Variants in MAP4K4 observed in about 807,000 individuals in gnomAD.
MAP4K4 encodes the protein mitogen-activated protein kinase kinase kinase kinase 4.
In MAP4K4, 38 loss-of-function variants were observed where a neutral mutation model predicts 189.6. The observed-to-expected ratio is 0.20, with a 90% confidence interval of 0.15 to 0.26. The LOEUF (loss-of-function observed/expected upper bound fraction) is 0.26. Ranked by LOEUF, MAP4K4 falls within the 10% of genes least tolerant of loss-of-function variation. The pLI, the probability that MAP4K4 is intolerant of heterozygous loss-of-function variation, is 1.00. For missense variants in MAP4K4, 1,054 were observed against 1,726.9 expected, an observed-to-expected ratio of 0.61 and a Z score of 6.91; for synonymous variants, 610 against 624.3, an observed-to-expected ratio of 0.98 and a Z score of 0.34.
chr2:101,806,731 A>G (rs1395160206), intron 3 of MAP4K4, among the ~76,000 whole-genome samples: 1 of 152,180 alleles, frequency 6.6e-6, no homozygotes, highest in African/African-American at 2.4e-5. Flanking sequence ...TCACTCACTG[A>G]AGATGCTGGA....
intron 2 of MAP4K4, among the ~76,000 whole-genome samples, chr2:101,748,156 T>A (rs757928669): frequency 1.3e-5 from 2 of 152,204 alleles, no homozygotes; most frequent in Non-Finnish European, 2.9e-5. Flanking sequence ...TGAGAGAATG[T>A]TGGCTGGCTC....
intron 3 of MAP4K4, among the ~76,000 whole-genome samples, chr2:101,821,041 GCTAGT>G (rs1470239693): frequency 2.6e-5 from 4 of 151,732 alleles, no homozygotes; most frequent in Admixed American, 6.6e-5. Flanking sequence ...TGTTTTACTG[GCTAGT>G]CTAAACACTG....
chr2:101,802,728 A>G (rs182964381), intron 3 of MAP4K4, among the ~76,000 whole-genome samples: 4 of 152,058 alleles, frequency 2.6e-5, no homozygotes, highest in Admixed American at 1.3e-4. Context: ...TGCCTCCACC[A>G]TGCCACTAAC....
At chr2:101,834,755 T>G (rs1274254774) in intron 8 of MAP4K4, among the ~76,000 whole-genome samples, 1 of 152,226 alleles carries the variant, frequency 6.6e-6, no homozygotes, top group African/African-American at 2.4e-5. Flanking sequence ...AAGTAGTAAG[T>G]TTTCTTTTTA....
chr2:101,809,202 C>T lies in MAP4K4; in HGVS notation c.181-14726C>T, dbSNP rs80114492. 6.7e-3 allele frequency among the ~76,000 whole-genome samples: 1,015 copies of T among 152,206 alleles called. 12 individuals are homozygous for T. The highest frequency in any genetic ancestry group is 0.024 in the African/African-American group (982 of 41,504). ...TCTACAACTTTGAGCTTGTATATAGCGCGTATATATGTTATTTTCATGTAG... is the reference window on the plus strand; with the variant it reads ...TCTACAACTTTGAGCTTGTATATAGTGCGTATATATGTTATTTTCATGTAG... On this transcript the variant is annotated intron_variant, in intron 3 of 32. Coordinates refer to ENST00000324219, the Ensembl canonical transcript of MAP4K4.
intron 2 of MAP4K4, among the ~76,000 whole-genome samples, chr2:101,708,981 A>G (rs2043941920): frequency 6.6e-6 from 1 of 152,162 alleles, no homozygotes; most frequent in African/African-American, 2.4e-5. Flanking sequence ...CTGTTCACCA[A>G]TTGATAGGCA....
At chr2:101,745,376 G>A (rs1444668422) in intron 2 of MAP4K4, among the ~76,000 whole-genome samples, 3 of 94,466 alleles carry the variant, frequency 3.2e-5, no homozygotes, top group African/African-American at 4.6e-5. Context: ...AAATAATACT[G>A]TTTAAGCATA....
chr2:101,718,260 A>T (rs1017910230), intron 2 of MAP4K4, among the ~76,000 whole-genome samples: 2 of 151,792 alleles, frequency 1.3e-5, no homozygotes, highest in African/African-American at 4.8e-5. Flanking sequence ...CCGTCTCAAA[A>T]AAAAAAAAAA....
At chr2:101,759,906 C>T (rs1300967375) in intron 2 of MAP4K4, among the ~76,000 whole-genome samples, 1 of 151,162 alleles carries the variant, frequency 6.6e-6, no homozygotes, top group Non-Finnish European at 1.5e-5. Flanking sequence ...TGCAATGGCA[C>T]AGTCTCACCT....
At chr2:101,776,585 CCCA>C (rs1388699088) in intron 2 of MAP4K4, among the ~76,000 whole-genome samples, 8 of 117,720 alleles carry the variant, frequency 6.8e-5, no homozygotes, top group East Asian at 3.1e-4. Context: ...CCCCCACCCC[CCCA>C]AAAAAAAACA....
intron 2 of MAP4K4, among the ~76,000 whole-genome samples, chr2:101,729,042 C>G (rs1017642860): frequency 6.7e-6 from 1 of 149,354 alleles, no homozygotes; most frequent in Admixed American, 6.7e-5. Context: ...GCAGAAGCAA[C>G]TTAAGAGTTA....
At chr2:101,771,935 A>T (rs540724269) in intron 2 of MAP4K4, among the ~76,000 whole-genome samples, 2 of 152,288 alleles carry the variant, frequency 1.3e-5, no homozygotes, top group East Asian at 3.9e-4. Context: ...TGATTTGGAA[A>T]TCTGATTGCT....
chr2:101,838,619 C>T (rs977250340), intron 9 of MAP4K4, among the ~76,000 whole-genome samples: 7 of 152,040 alleles, frequency 4.6e-5, no homozygotes, highest in African/African-American at 1.7e-4. Context: ...TTTTTTCTTC[C>T]TCTGTAAGTT....
Position 101,769,939 on chromosome 2 carries a change from A to C in MAP4K4, c.124-20781A>C, listed in dbSNP as rs187252914. Among the ~76,000 whole-genome samples the C allele has an allele frequency of 4.6e-5, 7 of 152,232 alleles. No individual in the cohort carries two copies. In the East Asian group the frequency reaches 1.4e-3, roughly 29 times the overall value. On this transcript the variant is annotated intron_variant, in intron 2 of 32. Coordinates refer to ENST00000324219, the Ensembl canonical transcript of MAP4K4. Reference sequence around the variant, plus strand: ...TTGTTGGGGATTATGTATTTAAAGGAAAGTCTGGAGGGAAATCGGAGACAA... The same window carrying C: ...TTGTTGGGGATTATGTATTTAAAGGCAAGTCTGGAGGGAAATCGGAGACAA...
intron 2 of MAP4K4, among the ~76,000 whole-genome samples, chr2:101,760,159 C>G (rs1170527153): frequency 2.7e-5 from 4 of 150,418 alleles, no homozygotes; most frequent in African/African-American, 9.7e-5. Context: ...TTTTCTTTTT[C>G]TTTTTTTTTA....
At chr2:101,844,224 G>A in exon 12 of MAP4K4, 1 of 1,596,924 alleles carries the variant, frequency 6.3e-7, no homozygotes, top group Non-Finnish European at 8.5e-7. Flanking sequence ...AACAGCTCCG[G>A]GAGCAGGAAG....
At chr2:101,731,713 T>G (rs1415315056) in intron 2 of MAP4K4, among the ~76,000 whole-genome samples, 1 of 149,128 alleles carries the variant, frequency 6.7e-6, no homozygotes, top group African/African-American at 2.5e-5. Context: ...TTGGTGCCAC[T>G]GCATTCCAGA....
chr2:101,793,872 T>G (rs2093335749), intron 3 of MAP4K4, among the ~76,000 whole-genome samples: 1 of 152,146 alleles, frequency 6.6e-6, no homozygotes, highest in Admixed American at 6.5e-5. Context: ...TTTACTTGAT[T>G]ATGTGAATCT....
intron 2 of MAP4K4, among the ~76,000 whole-genome samples, chr2:101,736,739 AGTAATT>A (rs1373165752): frequency 6.6e-6 from 1 of 152,058 alleles, no homozygotes; most frequent in African/African-American, 2.4e-5. Context: ...ACTGCTTGTG[AGTAATT>A]GTTGATTCTT....
Sources: allele counts gnomAD v4.1 joint callset (sites outside exome capture counted in the v4.1 genomes callset), GRCh38; gene constraint gnomAD v4.1.1; transcripts MANE v1.5; gene names NCBI Gene and HGNC (gene_info 2026-07-23, HGNC 2026-07-21).